The following SEMA4D variants were observed in gnomAD, a reference collection of about 807,000 sequenced individuals.
SEMA4D encodes the protein semaphorin 4D.
Under a neutral mutation model 74.8 loss-of-function variants are expected in SEMA4D, and 22 were observed. That is an observed-to-expected ratio of 0.29 (90% CI 0.21 to 0.42). SEMA4D has a LOEUF of 0.42. Among genes scored for constraint, SEMA4D ranks in the 10% least tolerant of loss-of-function variants. The probability of loss-of-function intolerance (pLI) is 1.00; values close to 1 mark genes in which losing one functional copy is unlikely to be tolerated. For synonymous variants in SEMA4D, 445 were observed against 463.7 expected (o/e 0.96, Z 0.52); for missense variants, 937 against 1,118.4 (o/e 0.84, Z 2.31).
chr9:89,376,567 C>T, downstream of SEMA4D: 2 of 395,046 alleles, frequency 5.1e-6, no homozygotes, highest in East Asian at 4.2e-5. Flanking sequence ...ACACAGCCTG[C>T]AGCCCACAAG....
chr9:89,462,543 T>C (rs1005975874), intron 1 of SEMA4D, among the ~76,000 whole-genome samples: 2 of 152,156 alleles, frequency 1.3e-5, no homozygotes, highest in African/African-American at 2.4e-5. Context: ...GGTGGGGTTG[T>C]TTTTGGCAAA....
intron 2 of SEMA4D, among the ~76,000 whole-genome samples, chr9:89,410,814 C>G (rs1162901078): frequency 2.0e-5 from 3 of 152,156 alleles, no homozygotes; most frequent in Non-Finnish European, 4.4e-5. Flanking sequence ...AGAAACAGGC[C>G]ACAAAGAAAT....
At chr9:89,363,891 G>T (rs367978309) in exon 17 of SEMA4D, 1 of 1,613,954 alleles carries the variant, frequency 6.2e-7, no homozygotes, top group Non-Finnish European at 8.5e-7. Flanking sequence ...GTCTGCACAG[G>T]GACACAGGTC....
intron 2 of SEMA4D, among the ~76,000 whole-genome samples, chr9:89,447,624 G>A (rs1587962467): frequency 6.6e-6 from 1 of 152,166 alleles, no homozygotes; most frequent in East Asian, 1.9e-4. Flanking sequence ...CACCAGCACC[G>A]CTCTCCCAGA....
At chr9:89,393,239 T>C (rs1247927497) in intron 7 of SEMA4D, among the ~76,000 whole-genome samples, 1 of 152,116 alleles carries the variant, frequency 6.6e-6, no homozygotes, top group African/African-American at 2.4e-5. Flanking sequence ...TGCTCAGAGG[T>C]GAGAGACCAC....
At chr9:89,461,417 CA>C (rs1446680699) in intron 1 of SEMA4D, among the ~76,000 whole-genome samples, 1 of 152,146 alleles carries the variant, frequency 6.6e-6, no homozygotes, top group East Asian at 1.9e-4. Flanking sequence ...ATAGATAAAG[CA>C]GCACTCGGGC....
intron 2 of SEMA4D, among the ~76,000 whole-genome samples, chr9:89,438,669 TTTTC>T (rs1164428282): frequency 6.6e-6 from 1 of 152,140 alleles, no homozygotes; most frequent in African/African-American, 2.4e-5. Context: ...ATGTTTTTTC[TTTTC>T]TTTTTTTTTT....
intron 2 of SEMA4D, among the ~76,000 whole-genome samples, chr9:89,445,741 G>A (rs1043946833): frequency 2.0e-5 from 3 of 152,118 alleles, no homozygotes; most frequent in African/African-American, 7.2e-5. Flanking sequence ...TGGGAAGCCG[G>A]GTCTTTTTGT....
chr9:89,362,356 G>A, exon 19 of SEMA4D: 4 of 1,614,068 alleles, frequency 2.5e-6, no homozygotes, highest in Non-Finnish European at 3.4e-6. Context: ...GTGGCAGCAG[G>A]GTCTTGTTGG....
intron 1 of SEMA4D, among the ~76,000 whole-genome samples, chr9:89,461,700 C>CTTTTTTTTT (rs61696689): frequency 0.01 from 1,073 of 103,494 alleles, 28 homozygotes; most frequent in East Asian, 0.073. Flanking sequence ...TCTTTTTTCT[C>CTTTTTTTTT]TTTTTTTTTT....
intron 1 of SEMA4D, among the ~76,000 whole-genome samples, chr9:89,486,636 T>C (rs2136234078): frequency 6.6e-6 from 1 of 152,322 alleles, no homozygotes; most frequent in Non-Finnish European, 1.5e-5. Flanking sequence ...CTGGGCACAG[T>C]GGCTCACACC....
intron 1 of SEMA4D, among the ~76,000 whole-genome samples, chr9:89,466,739 G>T (rs1212787263): frequency 1.3e-5 from 2 of 152,224 alleles, no homozygotes; most frequent in Non-Finnish European, 2.9e-5. Flanking sequence ...TACATGGACT[G>T]TGTTTCCAGT....
chr9:89,461,700 C>CTTTTTT (rs61696689), intron 1 of SEMA4D, among the ~76,000 whole-genome samples: 3,611 of 103,168 alleles, frequency 0.035, 154 homozygotes, highest in South Asian at 0.1. Context: ...TCTTTTTTCT[C>CTTTTTT]TTTTTTTTTT....
chr9:89,395,767 T>A (rs889859546), intron 6 of SEMA4D, among the ~76,000 whole-genome samples: 1 of 152,126 alleles, frequency 6.6e-6, no homozygotes, highest in Admixed American at 6.5e-5. Context: ...TGTGTGCAAA[T>A]ACCAGGCTTC....
intron 8 of SEMA4D, 146 bp downstream of exon 8, chr9:89,392,276 TG>T: frequency 3.3e-6 from 2 of 604,204 alleles, no homozygotes; most frequent in Non-Finnish European, 5.9e-6. Context: ...TGGCCATTGC[TG>T]GACAGTTTGG....
At chr9:89,437,626 G>C (rs371733375) in intron 2 of SEMA4D, among the ~76,000 whole-genome samples, 1 of 152,220 alleles carries the variant, frequency 6.6e-6, no homozygotes, top group Non-Finnish European at 1.5e-5. Flanking sequence ...GTGTGCCAGC[G>C]GCAAGGGGCA....
At chr9:89,456,759 G>T (rs1370712111) in intron 1 of SEMA4D, among the ~76,000 whole-genome samples, 2 of 152,180 alleles carry the variant, frequency 1.3e-5, no homozygotes, top group South Asian at 4.1e-4. Context: ...GCTGATTTTT[G>T]TATCTTTTTT....
intron 4 of SEMA4D, among the ~76,000 whole-genome samples, chr9:89,401,288 C>T (rs1486908148): frequency 6.6e-6 from 1 of 152,184 alleles, no homozygotes; most frequent in East Asian, 1.9e-4. Context: ...AACTCTTGAG[C>T]TCAAGTAATC....
chr9:89,383,099 G>T (rs1180304123), intron 13 of SEMA4D, among the ~76,000 whole-genome samples: 2 of 152,226 alleles, frequency 1.3e-5, no homozygotes, highest in Non-Finnish European at 2.9e-5. Context: ...GGAGGAACTG[G>T]TCGTCAGGAC....
Sources: allele counts gnomAD v4.1 joint callset (sites outside exome capture counted in the v4.1 genomes callset), GRCh38; gene constraint gnomAD v4.1.1; transcripts MANE v1.5; gene names NCBI Gene and HGNC (gene_info 2026-07-23, HGNC 2026-07-21).